Variants in E2F5 observed in about 807,000 individuals in gnomAD.
E2F5 encodes the protein transcription factor E2F5.
Under a neutral mutation model 39.1 loss-of-function variants are expected in E2F5, and 23 were observed. The ratio of observed to expected loss-of-function variants is 0.59; its 90% CI spans 0.42 to 0.83. E2F5 has a LOEUF of 0.83. Among genes scored for constraint, E2F5 ranks in the 40% least tolerant of loss-of-function variants. E2F5 has a pLI of 0.00. For synonymous variants in E2F5, 145 were observed against 157.8 expected (o/e 0.92, Z 0.61); for missense variants, 365 against 406.7 (o/e 0.90, Z 0.88).
At chr8:85,181,752 G>A (rs1396171500) in intron 1 of E2F5, among the ~76,000 whole-genome samples, 2 of 151,298 alleles carry the variant, frequency 1.3e-5, no homozygotes, top group Non-Finnish European at 3.0e-5. Flanking sequence ...CTGAGGTCAG[G>A]AGTTCGAGAC....
At chr8:85,191,706 T>C (rs1430747878) in intron 1 of E2F5, among the ~76,000 whole-genome samples, 1 of 152,246 alleles carries the variant, frequency 6.6e-6, no homozygotes, top group Admixed American at 6.5e-5. Context: ...AGGTTCCTGC[T>C]TATTCTCAGC....
At chr8:85,204,609 G>A (rs1394568105) in intron 3 of E2F5, among the ~76,000 whole-genome samples, 1 of 151,696 alleles carries the variant, frequency 6.6e-6, no homozygotes, top group Non-Finnish European at 1.5e-5. Flanking sequence ...GAGTTATTGG[G>A]TGCAGCACGC....
intron 1 of E2F5, among the ~76,000 whole-genome samples, chr8:85,181,679 G>T (rs1812217481): frequency 1.4e-5 from 2 of 147,102 alleles, no homozygotes; most frequent in African/African-American, 4.9e-5. Context: ...ACATGGCTCG[G>T]TCAGGCGTGG....
chr8:85,203,372 A>G, intron 3 of E2F5, 117 bp downstream of exon 3: 3 of 772,268 alleles, frequency 3.9e-6, no homozygotes, highest in Non-Finnish European at 5.4e-6. Flanking sequence ...ATAAGTAAAT[A>G]TGACATTTTA....
At chr8:85,208,198 C>T (rs1162059387) in intron 5 of E2F5, among the ~76,000 whole-genome samples, 3 of 152,104 alleles carry the variant, frequency 2.0e-5, no homozygotes, top group African/African-American at 7.2e-5. Flanking sequence ...CATGGTGGTG[C>T]ATGCCTGTAA....
At chr8:85,198,351 A>T (rs1415227278) in intron 1 of E2F5, among the ~76,000 whole-genome samples, 1 of 152,132 alleles carries the variant, frequency 6.6e-6, no homozygotes, top group Non-Finnish European at 1.5e-5. Context: ...AAAGGAAAAA[A>T]AAAAACTTCC....
chr8:85,177,662 C>CCGGAGG lies in E2F5; in HGVS notation c.234+12_234+17dup, dbSNP rs772578010. 2 of 1,283,822 alleles carry CCGGAGG rather than the reference C, an allele frequency of 1.6e-6. No homozygotes were observed. The highest frequency in any genetic ancestry group is 3.0e-5 in the African/African-American group (2 of 65,900). 79.5% of individuals were successfully genotyped at this position (1,283,822 alleles called of 1,614,324 possible). A position where few individuals can be genotyped will look rare whatever the true frequency, so the allele number is the denominator to read the frequency against. ...GTTCTGGATCTCAAAGCGGTGAGCT[C>CCGGAGG]CGGAGGCGGGGACGGGGGCGGACTT... On this transcript the variant is annotated intron_variant, in intron 1 of 7. Coordinates refer to ENST00000416274, the MANE Select transcript of E2F5 (RefSeq NM_001951.4).
chr8:85,206,567 A>T (rs1158954468), intron 4 of E2F5, among the ~76,000 whole-genome samples: 1 of 152,176 alleles, frequency 6.6e-6, no homozygotes, highest in African/African-American at 2.4e-5. Flanking sequence ...CATGGTTCTC[A>T]TCAGCATTGT....
At chr8:85,195,147 G>A (rs1812554077) in intron 1 of E2F5, among the ~76,000 whole-genome samples, 1 of 151,922 alleles carries the variant, frequency 6.6e-6, no homozygotes, top group South Asian at 2.1e-4. Flanking sequence ...CAATTTGGGA[G>A]GCCGAGGTGG....
intron 1 of E2F5, among the ~76,000 whole-genome samples, chr8:85,187,982 T>C (rs964623763): frequency 6.6e-6 from 1 of 152,208 alleles, no homozygotes; most frequent in Non-Finnish European, 1.5e-5. Flanking sequence ...CAAAAAAATA[T>C]CTTACAATGC....
intron 3 of E2F5, among the ~76,000 whole-genome samples, chr8:85,205,950 A>G (rs574852465): frequency 1.1e-4 from 17 of 152,080 alleles, no homozygotes; most frequent in Non-Finnish European, 1.9e-4. Flanking sequence ...TCTCTCTCCT[A>G]AGGGTCCTCA....
chr8:85,177,522 G>T lies in E2F5; in HGVS notation c.102G>T (p.Gln34His), dbSNP rs1812108978. 1 of 1,137,658 alleles carries T rather than the reference G, an allele frequency of 8.8e-7. No homozygotes were observed. Among genetic ancestry groups the T allele is most frequent in the Non-Finnish European group, 1.1e-6 (1 of 928,570 alleles). 70.5% of individuals were successfully genotyped at this position (1,137,658 alleles called of 1,614,324 possible). A position where few individuals can be genotyped will look rare whatever the true frequency, so the allele number is the denominator to read the frequency against. Residue 34 changes from glutamine to histidine, a missense_variant, in exon 1 of 8, where the codon CAG becomes CAT. Transcript: ENST00000416274. ...AGCCTCCGCAGGCGCAAGCCCCGCA[G>T]CCGCCCCCGCCGCCGCAGCTCGGGG... ...PPQPPQAQAPQPPPPPQLGGA... is the reference protein window; with the variant it reads ...PPQPPQAQAPHPPPPPQLGGA...
intron 1 of E2F5, among the ~76,000 whole-genome samples, chr8:85,179,877 G>A (rs966481408): frequency 6.6e-6 from 1 of 152,144 alleles, no homozygotes; most frequent in Non-Finnish European, 1.5e-5. Flanking sequence ...AGCTAGGATG[G>A]TCTCGATCTC....
chr8:85,207,202 T>C (rs1587499303), intron 4 of E2F5, among the ~76,000 whole-genome samples: 1 of 152,334 alleles, frequency 6.6e-6, no homozygotes, highest in East Asian at 1.9e-4. Flanking sequence ...ATCATACAGC[T>C]AACCCATGTA....
Position 85,214,410 on chromosome 8 carries a change from C to A in E2F5, c.*548C>A. The A allele has an allele frequency of 1.6e-6, 1 of 644,320 alleles. No individual in the cohort carries two copies. Among genetic ancestry groups the A allele is most frequent in the Admixed American group, 3.0e-5 (1 of 33,658 alleles). The allele number at this position is 644,320 out of a possible 1,614,324, so 39.9% of individuals were successfully genotyped here. A position where few individuals can be genotyped will look rare whatever the true frequency, so the allele number is the denominator to read the frequency against. On this transcript the variant is annotated 3_prime_UTR_variant, in exon 8 of 8. Coordinates refer to ENST00000416274, the MANE Select transcript of E2F5 (RefSeq NM_001951.4). ...CACATTTTGTTGACTTCTGACATTC[C>A]ACTTTCCTAGGTTATAGGAAAGATC... is the stretch of plus-strand genomic sequence containing the variant.
In E2F5 at chr8:85,181,349, A is replaced by C. The variant is rs1812208286; in HGVS notation, c.234+3695A>C. On this transcript the variant is annotated intron_variant, in intron 1 of 7. Coordinates refer to ENST00000416274, the MANE Select transcript of E2F5 (RefSeq NM_001951.4). ...GTGACACATTTCTTCTTTTTTTTTGAGACGGGAGTCTCACTCTGTCACCCA... is the reference window on the plus strand; with the variant it reads ...GTGACACATTTCTTCTTTTTTTTTGCGACGGGAGTCTCACTCTGTCACCCA... Among the ~76,000 whole-genome samples, 15 of 151,224 alleles carry C rather than the reference A, an allele frequency of 9.9e-5. 1 individual carries two copies. The highest frequency in any genetic ancestry group is 9.9e-4 in the Admixed American group (15 of 15,196).
intron 4 of E2F5, among the ~76,000 whole-genome samples, chr8:85,207,220 A>G (rs892402128): frequency 1.3e-5 from 2 of 152,172 alleles, no homozygotes; most frequent in African/African-American, 4.8e-5. Flanking sequence ...GTATAATACT[A>G]ATACATGTAT....
At chr8:85,198,851 T>A (rs1235070039) in intron 1 of E2F5, among the ~76,000 whole-genome samples, 1 of 152,148 alleles carries the variant, frequency 6.6e-6, no homozygotes, top group Non-Finnish European at 1.5e-5. Flanking sequence ...AAGCACACAC[T>A]CTCGTGTCCA....
chr8:85,208,617 C>T (rs1812847695), intron 5 of E2F5, among the ~76,000 whole-genome samples: 1 of 152,120 alleles, frequency 6.6e-6, no homozygotes. Flanking sequence ...AAAAAGTTTA[C>T]ATTTAGGCAT....
Sources: gnomAD v4.1 joint callset for allele counts (sites outside exome capture counted in the v4.1 genomes callset) on GRCh38, gnomAD v4.1.1 for gene constraint, MANE v1.5 for transcripts, NCBI Gene and HGNC (gene_info 2026-07-23, HGNC 2026-07-21) for gene names.